The following KCNQ1OT1 variants were observed in gnomAD, a reference collection of about 807,000 sequenced individuals.
KCNQ1OT1 encodes KCNQ1 antisense RNA 2 (non-protein coding).
rs1849011958 is a variant in KCNQ1OT1, at chr11:2,613,389, AATT to A, written n.86603_86605del. 1 of 398,368 alleles carries A rather than the reference AATT, an allele frequency of 2.5e-6. No homozygotes were observed. Among genetic ancestry groups the A allele is most frequent in the Admixed American group, 4.4e-5 (1 of 22,702 alleles). The allele number at this position is 398,368 out of a possible 1,614,324, so 24.7% of individuals were successfully genotyped here. ...GGTTGCTGTGATGTGGGTTGCCTCCAATTATTTGCCACTGAAATCCTTGTTGCT... is the reference window on the plus strand; with the variant it reads ...GGTTGCTGTGATGTGGGTTGCCTCCAATTTGCCACTGAAATCCTTGTTGCT... On this transcript the variant is annotated non_coding_transcript_exon_variant, in exon 1 of 1. Coordinates refer to ENST00000597346, the Ensembl canonical transcript of KCNQ1OT1. This position sits in a 1 kb window ranked among gnomAD's most constrained non-coding sequence, Gnocchi z 4.8.
At position 2,645,612 on chromosome 11, in the gene KCNQ1OT1, A is replaced by C; in HGVS notation, n.54383T>G. 1 of 398,720 alleles carries C rather than the reference A, an allele frequency of 2.5e-6. No individual in the cohort carries two copies. Among genetic ancestry groups the C allele is most frequent in the Admixed American group, 4.4e-5 (1 of 22,740 alleles). 24.7% of individuals were successfully genotyped at this position (398,720 alleles called of 1,614,324 possible). ...CATGCTTCGGCCCCAGGTGGTGACT[A>C]TGGGCAGGGTCACCTTTCCTCATGG... is the stretch of plus-strand genomic sequence containing the variant. On this transcript the variant is annotated non_coding_transcript_exon_variant, in exon 1 of 1. Coordinates refer to ENST00000597346, the Ensembl canonical transcript of KCNQ1OT1. The surrounding 1 kb of genome is among the most constrained non-coding windows in gnomAD (Gnocchi z 5.8).
In KCNQ1OT1 at chr11:2,676,031, C is replaced by T. The variant is rs958350563; in HGVS notation, n.23964G>A. 7 of 398,532 alleles carry T rather than the reference C, an allele frequency of 1.8e-5. No individual in the cohort carries two copies. Among genetic ancestry groups the T allele is most frequent in the African/African-American group, 1.0e-4 (5 of 48,640 alleles). 24.7% of individuals were successfully genotyped at this position (398,532 alleles called of 1,614,324 possible). On this transcript the variant is annotated non_coding_transcript_exon_variant, in exon 1 of 1. Transcript: ENST00000597346. This position sits in a 1 kb window ranked among gnomAD's most constrained non-coding sequence, Gnocchi z 4.2. ...GTTTCCTTCCCTAAAGGTTACCACT[C>T]AACACTTTCCTATTGCATCTTTCCA...
Position 2,652,430 on chromosome 11 carries a change from A to G in KCNQ1OT1, n.47565T>C. On this transcript the variant is annotated non_coding_transcript_exon_variant, in exon 1 of 1. Coordinates refer to ENST00000597346, the Ensembl canonical transcript of KCNQ1OT1. The surrounding 1 kb of genome is among the most constrained non-coding windows in gnomAD (Gnocchi z 5.9). ...CCTGTGTAATTTTGTCTTGAAAATC[A>G]AGGCCACTTTTTTGTTTTCTCCATC... 2.5e-6 allele frequency: 1 copy of G among 398,598 alleles called. No individual in the cohort carries two copies. Among genetic ancestry groups the G allele is most frequent in the Non-Finnish European group, 4.4e-6 (1 of 226,062 alleles). 24.7% of individuals were successfully genotyped at this position (398,598 alleles called of 1,614,324 possible).
Position 2,627,467 on chromosome 11 carries a change from T to C in KCNQ1OT1, n.72528A>G, listed in dbSNP as rs1849280280. 5.0e-6 allele frequency: 2 copies of C among 398,436 alleles called. No homozygotes were observed. The highest frequency in any genetic ancestry group is 2.1e-5 in the African/African-American group (1 of 48,624). 24.7% of individuals were successfully genotyped at this position (398,436 alleles called of 1,614,324 possible). On this transcript the variant is annotated non_coding_transcript_exon_variant, in exon 1 of 1. Transcript: ENST00000597346. This position sits in a 1 kb window ranked among gnomAD's most constrained non-coding sequence, Gnocchi z 4.9. ...AACATTTCCTATTTCCCCTACTCCCTGACCCCTAGTAACCACCCTTCTACT... is the reference window on the plus strand; with the variant it reads ...AACATTTCCTATTTCCCCTACTCCCCGACCCCTAGTAACCACCCTTCTACT...
At position 2,632,268 on chromosome 11, in the gene KCNQ1OT1, G is replaced by GT. The variant is rs1349561706; in HGVS notation, n.67726dup. On this transcript the variant is annotated non_coding_transcript_exon_variant, in exon 1 of 1. Transcript: ENST00000597346. Reference sequence around the variant, plus strand: ...CTACTTTGCTGAATTAATTTATTCAGTTTTTGTGGTGAGTTTTCAGGGATT... The same window carrying GT: ...CTACTTTGCTGAATTAATTTATTCAGTTTTTTGTGGTGAGTTTTCAGGGATT... 8 of 397,520 alleles carry GT rather than the reference G, an allele frequency of 2.0e-5. No homozygotes were observed. In the Admixed American group the frequency reaches 3.5e-4, roughly 18 times the overall value. The allele number at this position is 397,520 out of a possible 1,614,324, so 24.6% of individuals were successfully genotyped here. A position where few individuals can be genotyped will look rare whatever the true frequency, so the allele number is the denominator to read the frequency against.
chr11:2,648,981 C>CTTTTTTCTTTTTTTTTTTTT (rs1849710956), exon 1 of KCNQ1OT1: 5 of 213,264 alleles, frequency 2.3e-5, no homozygotes, highest in African/African-American at 4.4e-5. Flanking sequence ...TTTTCTTTTT[C>CTTTTTTCTTTTTTTTTTTTT]TTTTTTTTTT....
rs1408096560 is a variant in KCNQ1OT1, at chr11:2,642,644, A to T, written n.57351T>A. The stretch of plus-strand genomic sequence containing the variant: ...TGCATTTCATTGATCCTTTATATTT[A>T]TTTAGTTTCTTGTTTAGTTCTGCTC... On this transcript the variant is annotated non_coding_transcript_exon_variant, in exon 1 of 1. Coordinates refer to ENST00000597346, the Ensembl canonical transcript of KCNQ1OT1. The surrounding 1 kb of genome is among the most constrained non-coding windows in gnomAD (Gnocchi z 4.3). 7.6e-6 allele frequency: 3 copies of T among 397,022 alleles called. No homozygotes were observed. The highest frequency in any genetic ancestry group is 2.1e-5 in the African/African-American group (1 of 48,386). The allele number at this position is 397,022 out of a possible 1,614,324, so 24.6% of individuals were successfully genotyped here.
exon 1 of KCNQ1OT1, chr11:2,637,309 G>T (rs1328512629): frequency 2.6e-5 from 4 of 152,068 alleles, no homozygotes; most frequent in African/African-American, 9.7e-5. Context: ...GCTTTCTCTT[G>T]TGGGCATTTA....
chr11:2,682,050 A>G lies in KCNQ1OT1; in HGVS notation n.17945T>C, dbSNP rs993824964. 2 of 398,508 alleles carry G rather than the reference A, an allele frequency of 5.0e-6. No individual in the cohort carries two copies. The highest frequency in any genetic ancestry group is 8.8e-6 in the Non-Finnish European group (2 of 226,062). 24.7% of individuals were successfully genotyped at this position (398,508 alleles called of 1,614,324 possible). A position where few individuals can be genotyped will look rare whatever the true frequency, so the allele number is the denominator to read the frequency against. ...ATATTATCACTCCTGTTTTATAGAT[A>G]ATCTCCTAAGGGTTGAGGGATTGAG... On this transcript the variant is annotated non_coding_transcript_exon_variant, in exon 1 of 1. Coordinates refer to ENST00000597346, the Ensembl canonical transcript of KCNQ1OT1. The surrounding 1 kb of genome is among the most constrained non-coding windows in gnomAD (Gnocchi z 5.8).
rs1172023946 is a variant in KCNQ1OT1, at chr11:2,612,153, T to C, written n.87842A>G. ...TACCAGTCTGTGGCCTATTAGAAAC[T>C]GGGCTACACAGCAGGAGGTGAGCAG... On this transcript the variant is annotated non_coding_transcript_exon_variant, in exon 1 of 1. Coordinates refer to ENST00000597346, the Ensembl canonical transcript of KCNQ1OT1. This position sits in a 1 kb window ranked among gnomAD's most constrained non-coding sequence, Gnocchi z 5.5. 5.0e-6 allele frequency: 2 copies of C among 398,504 alleles called. No homozygotes were observed. The highest frequency in any genetic ancestry group is 8.8e-6 in the Non-Finnish European group (2 of 226,068). 24.7% of individuals were successfully genotyped at this position (398,504 alleles called of 1,614,324 possible). A position where few individuals can be genotyped will look rare whatever the true frequency, so the allele number is the denominator to read the frequency against.
chr11:2,647,942 G>A lies in KCNQ1OT1; in HGVS notation n.52053C>T, dbSNP rs1237805091. The A allele has an allele frequency of 5.0e-6, 2 of 397,744 alleles. No individual in the cohort carries two copies. Among genetic ancestry groups the A allele is most frequent in the Non-Finnish European group, 8.8e-6 (2 of 225,996 alleles). The allele number at this position is 397,744 out of a possible 1,614,324, so 24.6% of individuals were successfully genotyped here. On this transcript the variant is annotated non_coding_transcript_exon_variant, in exon 1 of 1. Coordinates refer to ENST00000597346, the Ensembl canonical transcript of KCNQ1OT1. The surrounding 1 kb of genome is among the most constrained non-coding windows in gnomAD (Gnocchi z 4.0). Reference sequence around the variant, plus strand: ...AAAAATCAGTTTTTTGGCTGGGTTTGTTGGCTCACACCTGTAAACCCAGTA... The same window carrying A: ...AAAAATCAGTTTTTTGGCTGGGTTTATTGGCTCACACCTGTAAACCCAGTA...
exon 1 of KCNQ1OT1, chr11:2,641,987 A>G (rs190872405): frequency 2.5e-5 from 10 of 398,386 alleles, no homozygotes; most frequent in South Asian, 1.3e-4. Context: ...CCATTGGTCT[A>G]TCAGTTTTTA....
rs775006096 is a variant in KCNQ1OT1 at position 2,627,901 on chromosome 11, C to A, written n.72094G>T. On this transcript the variant is annotated non_coding_transcript_exon_variant, in exon 1 of 1. Coordinates refer to ENST00000597346, the Ensembl canonical transcript of KCNQ1OT1. This position sits in a 1 kb window ranked among gnomAD's most constrained non-coding sequence, Gnocchi z 4.9. ...GAGTAGCTGGGACCACAGTCATGCA[C>A]CCCCATGCCCAGCTAATTTTTAAAA... 1.5e-5 allele frequency: 6 copies of A among 398,482 alleles called. No individual in the cohort carries two copies. The highest frequency in any genetic ancestry group is 4.1e-5 in the African/African-American group (2 of 48,596). The allele number at this position is 398,482 out of a possible 1,614,324, so 24.7% of individuals were successfully genotyped here. A position where few individuals can be genotyped will look rare whatever the true frequency, so the allele number is the denominator to read the frequency against.
rs1362624342 is a variant in KCNQ1OT1 at position 2,672,869 on chromosome 11, G to A, written n.27126C>T. ...GCATTTTCTTGAGTGTCATACCCTA[G>A]CCACCTGACTGTCAGGGGAGCAGTA... On this transcript the variant is annotated non_coding_transcript_exon_variant, in exon 1 of 1. Transcript: ENST00000597346. The A allele has an allele frequency of 8.8e-5, 35 of 398,612 alleles. 1 individual carries two copies. Among genetic ancestry groups the A allele is most frequent in the Non-Finnish European group, 3.1e-5 (7 of 226,132 alleles). 24.7% of individuals were successfully genotyped at this position (398,612 alleles called of 1,614,324 possible).
In KCNQ1OT1 at chr11:2,641,229, T is replaced by C. The variant is rs1378241576; in HGVS notation, n.58766A>G. On this transcript the variant is annotated non_coding_transcript_exon_variant, in exon 1 of 1. Coordinates refer to ENST00000597346, the Ensembl canonical transcript of KCNQ1OT1. ...ATGTCATATTTCTCTTTTTAGGTTTTTCAGAAATCAAACTGTTTTCTATAG... is the reference window on the plus strand; with the variant it reads ...ATGTCATATTTCTCTTTTTAGGTTTCTCAGAAATCAAACTGTTTTCTATAG... 1.5e-5 allele frequency: 6 copies of C among 398,456 alleles called. No homozygotes were observed. The East Asian group carries it at 2.1e-4, about 14-fold the overall frequency. 24.7% of individuals were successfully genotyped at this position (398,456 alleles called of 1,614,324 possible).
chr11:2,649,897 C>T, exon 1 of KCNQ1OT1: 1 of 398,376 alleles, frequency 2.5e-6, no homozygotes, highest in East Asian at 3.6e-5. Flanking sequence ...GGTCCTTATC[C>T]CAACACTTCT....
At chr11:2,610,946 GAAC>G (rs1407669595) in exon 1 of KCNQ1OT1, 13 of 398,082 alleles carry the variant, frequency 3.3e-5, no homozygotes, top group Non-Finnish European at 5.8e-5. Context: ...ATAATTGATA[GAAC>G]AACAAGACAG....
exon 1 of KCNQ1OT1, chr11:2,696,928 C>CTCTGAAA (rs1158795465): frequency 5.0e-6 from 2 of 398,128 alleles, no homozygotes; most frequent in African/African-American, 2.1e-5. Flanking sequence ...TCCAAAACCT[C>CTCTGAAA]TCTGAAATCT....
exon 1 of KCNQ1OT1, chr11:2,640,096 GC>G (rs1283000806): frequency 1.2e-5 from 3 of 260,712 alleles, no homozygotes; most frequent in Admixed American, 1.1e-4. Flanking sequence ...TTTTCCAGGT[GC>G]CGTCTGTCAC....
Sources: gnomAD v4.1 joint callset for allele counts on GRCh38, gnomAD v4.1.1 for gene constraint, Gnocchi (gnomAD v3.1) non-coding constraint, MANE v1.5 for transcripts, NCBI Gene and HGNC (gene_info 2026-07-23, HGNC 2026-07-21) for gene names.